The following ARHGAP22 variants were observed in gnomAD, a reference collection of about 807,000 sequenced individuals.
ARHGAP22 encodes rho GTPase-activating protein 22.
A neutral mutation model predicts 59.1 loss-of-function variants in ARHGAP22; 48 were observed. The observed-to-expected ratio is 0.81, with a 90% CI of 0.64 to 1.03. The LOEUF (loss-of-function observed/expected upper bound fraction) is 1.03, where lower values mean the gene tolerates loss of function less well. Ranked by LOEUF, ARHGAP22 falls within the 50% of genes least tolerant of loss-of-function variation. ARHGAP22 has a pLI of 0.00. For missense variants in ARHGAP22, 1,015 were observed against 958.7 expected (o/e 1.06, Z -0.78); for synonymous variants, 445 against 416.4 (o/e 1.07, Z -0.84).
chr10:48,544,799 G>A (rs569367564), intron 3 of ARHGAP22, among the ~76,000 whole-genome samples: 1 of 152,200 alleles, frequency 6.6e-6, no homozygotes, highest in Non-Finnish European at 1.5e-5. Context: ...TGGTGGATAT[G>A]CTAATCACCC....
chr10:48,441,913 T>C (rs2045212023), downstream of ARHGAP22, among the ~76,000 whole-genome samples: 1 of 152,218 alleles, frequency 6.6e-6, no homozygotes, highest in Admixed American at 6.5e-5. Flanking sequence ...GCATCCTGTG[T>C]TCTCATCTTC....
At chr10:48,453,465 TG>T (rs1450287359) in intron 7 of ARHGAP22, 40 bp from the exon 8 acceptor site, 1 of 1,610,830 alleles carries the variant, frequency 6.2e-7, no homozygotes, top group Non-Finnish European at 8.5e-7. Context: ...AGAAGCAAGT[TG>T]TGATGCCCAG....
intron 3 of ARHGAP22, among the ~76,000 whole-genome samples, chr10:48,537,556 G>C (rs1219040836): frequency 1.3e-5 from 2 of 152,220 alleles, no homozygotes; most frequent in Admixed American, 1.3e-4. Flanking sequence ...AGCATCTGCT[G>C]TGTGCCAGGC....
intron 2 of ARHGAP22, among the ~76,000 whole-genome samples, chr10:48,568,924 C>G (rs778722746): frequency 5.3e-5 from 8 of 152,228 alleles, no homozygotes; most frequent in Non-Finnish European, 8.8e-5. Flanking sequence ...AGAACAGACC[C>G]AGCTACTCAG....
intron 1 of ARHGAP22, among the ~76,000 whole-genome samples, chr10:48,628,784 T>A (rs914933800): frequency 2.6e-5 from 4 of 152,126 alleles, no homozygotes; most frequent in Admixed American, 2.6e-4. Context: ...CTTGGAGTCA[T>A]CATCTTTGGT....
rs769811709 is a variant in ARHGAP22, at chr10:48,450,348, C to G, written c.1781G>C (p.Arg594Pro). 1 of 1,592,454 alleles carries G rather than the reference C, an allele frequency of 6.3e-7. No homozygotes were observed. The highest frequency in any genetic ancestry group is 1.7e-5 in the Admixed American group (1 of 57,446). The change falls in exon 9 of 10, where the codon CGC becomes CCC. Residue 594 changes from arginine (R) to proline (P), a missense_variant. By Grantham distance (103) the Arg-to-Pro change is moderately radical. Transcript: ENST00000249601. ...CAGCCCCTGTAAGGCCTCGGAGCGG[C>G]GCGCGTGTTCCCGGGTGGGGCTGTC... ...EPDSPTREHA[R>P]RSEALQGLVT...
chr10:48,610,171 A>G (rs1455490285), intron 1 of ARHGAP22, among the ~76,000 whole-genome samples: 2 of 152,006 alleles, frequency 1.3e-5, no homozygotes, highest in African/African-American at 4.8e-5. Flanking sequence ...TTTTGCCCAC[A>G]CCCTGCAGTC....
intron 3 of ARHGAP22, among the ~76,000 whole-genome samples, chr10:48,519,438 T>G (rs2053601384): frequency 6.6e-6 from 1 of 152,210 alleles, no homozygotes. Flanking sequence ...AATGCAGTGA[T>G]AAACACAGTG....
chr10:48,543,950 C>G (rs1477444350), intron 3 of ARHGAP22, among the ~76,000 whole-genome samples: 1 of 152,048 alleles, frequency 6.6e-6, no homozygotes, highest in African/African-American at 2.4e-5. Context: ...GGTGAAACCC[C>G]GTCTCTACTA....
rs74353111 is a variant in ARHGAP22, at chr10:48,549,561, C to A, written c.322+5902G>T. 9.1e-3 allele frequency among the ~76,000 whole-genome samples: 1,385 copies of A among 152,210 alleles called. 21 individuals carry two copies. Among genetic ancestry groups the A allele is most frequent in the African/African-American group, 0.032 (1,330 of 41,504 alleles). ...ACATCAATTATCTGGGGTGGGAGAG[C>A]AGGAGATTTCTGCTTTCTGCTGCAG... is the stretch of plus-strand genomic sequence containing the variant. On this transcript the variant is annotated intron_variant, in intron 3 of 9. Transcript: ENST00000249601.
At chr10:48,643,525 T>C (rs1273248251) in intron 1 of ARHGAP22, among the ~76,000 whole-genome samples, 1 of 151,314 alleles carries the variant, frequency 6.6e-6, no homozygotes, top group Non-Finnish European at 1.5e-5. Flanking sequence ...ACATCGCATG[T>C]TCTCACTCAT....
chr10:48,507,023 C>T (rs1589819635), intron 3 of ARHGAP22, among the ~76,000 whole-genome samples: 1 of 152,196 alleles, frequency 6.6e-6, no homozygotes, highest in African/African-American at 2.4e-5. Flanking sequence ...CCACCAGTAC[C>T]CCAGCAAGAT....
At chr10:48,653,301 C>T (rs1414984529), upstream of ARHGAP22, among the ~76,000 whole-genome samples, 1 of 152,212 alleles carries the variant, frequency 6.6e-6, no homozygotes, top group African/African-American at 2.4e-5. Context: ...ACAAGCATAG[C>T]CAGTGCTCAG....
intron 3 of ARHGAP22, among the ~76,000 whole-genome samples, chr10:48,514,847 G>A (rs1208292530): frequency 2.0e-5 from 3 of 152,122 alleles, no homozygotes; most frequent in African/African-American, 4.8e-5. Flanking sequence ...CAAAGTTTCT[G>A]TAAACCACTG....
At position 48,558,343 on chromosome 10, in the gene ARHGAP22, TTTTTTTTG is replaced by T. The variant is rs2057446346; in HGVS notation, c.235-2801_235-2794del. On this transcript the variant is annotated intron_variant, in intron 2 of 9. Transcript: ENST00000249601. ...CAGTAGATTTTTGCGATTTAATGTT[TTTTTTTTG>T]TTTTTTTGTTTTGTTTTGTTTTGTT... Among the ~76,000 whole-genome samples the T allele has an allele frequency of 4.0e-5, 6 of 150,714 alleles. No homozygotes were observed. The South Asian group carries it at 1.3e-3, about 32-fold the overall frequency.
intron 4 of ARHGAP22, among the ~76,000 whole-genome samples, chr10:48,470,151 T>C (rs951887160): frequency 2.6e-5 from 4 of 152,210 alleles, no homozygotes; most frequent in Non-Finnish European, 5.9e-5. Context: ...CTGAGGTCTA[T>C]TGAAGCCAGA....
intron 4 of ARHGAP22, among the ~76,000 whole-genome samples, chr10:48,465,364 C>T (rs536169345): frequency 1.3e-5 from 2 of 152,362 alleles, no homozygotes; most frequent in East Asian, 1.9e-4. Context: ...AATCCCACAC[C>T]GGAGAGGAAG....
chr10:48,600,120 T>C (rs1366796804), intron 1 of ARHGAP22, among the ~76,000 whole-genome samples: 1 of 152,206 alleles, frequency 6.6e-6, no homozygotes, highest in East Asian at 1.9e-4. Flanking sequence ...GGTGTAAAGA[T>C]TAAAATAGGA....
chr10:48,654,786 CT>C (rs2062699283), upstream of ARHGAP22, among the ~76,000 whole-genome samples: 2 of 68,158 alleles, frequency 2.9e-5, no homozygotes, highest in Non-Finnish European at 6.7e-5. Flanking sequence ...TTCTTTCTTT[CT>C]TTCTTTCTTT....
Sources: allele counts gnomAD v4.1 joint callset (sites outside exome capture counted in the v4.1 genomes callset), GRCh38; gene constraint gnomAD v4.1.1; transcripts MANE v1.5; gene names NCBI Gene and HGNC (gene_info 2026-07-23, HGNC 2026-07-21).